Variants in WWOX observed in about 807,000 individuals in gnomAD.
WWOX encodes the protein WW domain containing oxidoreductase.
WWOX carries 69 observed loss-of-function variants against 46.2 expected under a neutral mutation model. The observed-to-expected ratio is 1.49, with a 90% CI of 1.23 to 1.82. The LOEUF (loss-of-function observed/expected upper bound fraction) is 1.82, where lower values mean the gene tolerates loss of function less well. WWOX is among the 40% of genes most tolerant of loss of function. The pLI is 0.00. For synonymous variants in WWOX, 359 were observed against 202.6 expected, an observed-to-expected ratio of 1.77 and a Z score of -6.56; for missense variants, 919 against 542.6, an observed-to-expected ratio of 1.69 and a Z score of -6.89.
intron 8 of WWOX, among the ~76,000 whole-genome samples, chr16:78,820,737 C>A (rs986647196): frequency 6.6e-6 from 1 of 152,102 alleles, no homozygotes; most frequent in African/African-American, 2.4e-5. Context: ...GAGAATCATT[C>A]ATTGTTTCAT....
At chr16:78,429,049 C>A (rs2083154653) in intron 7 of WWOX, among the ~76,000 whole-genome samples, 1 of 152,158 alleles carries the variant, frequency 6.6e-6, no homozygotes, top group Non-Finnish European at 1.5e-5. Flanking sequence ...GAATTCCAAA[C>A]CCATGACCAA....
intron 8 of WWOX, among the ~76,000 whole-genome samples, chr16:78,564,976 C>T (rs908064738): frequency 1.3e-5 from 2 of 152,046 alleles, no homozygotes; most frequent in Non-Finnish European, 2.9e-5. Context: ...AAAACGAAAA[C>T]AACATCAAAG....
chr16:78,836,887 G>A (rs2052000376), intron 8 of WWOX, among the ~76,000 whole-genome samples: 1 of 152,146 alleles, frequency 6.6e-6, no homozygotes. Flanking sequence ...ATGGGCTTTT[G>A]CGAAGAAGTT....
intron 8 of WWOX, among the ~76,000 whole-genome samples, chr16:78,961,789 T>C (rs1272593134): frequency 1.3e-5 from 2 of 152,184 alleles, no homozygotes; most frequent in African/African-American, 2.4e-5. Context: ...CCTCAGGTTA[T>C]CATAGTAGTC....
chr16:78,766,703 C>G (rs575391101), intron 8 of WWOX, among the ~76,000 whole-genome samples: 89 of 152,326 alleles, frequency 5.8e-4, no homozygotes, highest in South Asian at 2.1e-3. Context: ...AAAAAAGGGC[C>G]TGAACAGGCT....
At chr16:78,715,166 G>T (rs2048532003) in intron 8 of WWOX, among the ~76,000 whole-genome samples, 1 of 152,300 alleles carries the variant, frequency 6.6e-6, no homozygotes, top group East Asian at 1.9e-4. Flanking sequence ...GAAACACAGA[G>T]ATCAGTTAGA....
At chr16:78,109,956 C>A in intron 3 of WWOX, 121 bp downstream of exon 3, 2 of 1,086,402 alleles carry the variant, frequency 1.8e-6, no homozygotes, top group African/African-American at 1.6e-5. Flanking sequence ...TATCTGTAAT[C>A]TTAGCAGAAG....
At chr16:78,575,280 G>T (rs1249033807) in intron 8 of WWOX, among the ~76,000 whole-genome samples, 1 of 149,028 alleles carries the variant, frequency 6.7e-6, no homozygotes, top group African/African-American at 2.5e-5. Context: ...TTTTTTCAAA[G>T]TTGTTAAGAC....
intron 8 of WWOX, among the ~76,000 whole-genome samples, chr16:79,015,984 C>A (rs552679744): frequency 5.9e-5 from 9 of 152,252 alleles, no homozygotes; most frequent in Non-Finnish European, 7.3e-5. Flanking sequence ...TTCTTGACCT[C>A]GTGATCTGCC....
chr16:78,624,019 A>G (rs955403943), intron 8 of WWOX, among the ~76,000 whole-genome samples: 1 of 152,172 alleles, frequency 6.6e-6, no homozygotes, highest in Admixed American at 6.5e-5. Context: ...CACTTTATAG[A>G]TGAGGAAAGT....
intron 8 of WWOX, among the ~76,000 whole-genome samples, chr16:78,466,474 AG>A (rs1021261867): frequency 4.6e-5 from 7 of 152,190 alleles, no homozygotes; most frequent in Non-Finnish European, 8.8e-5. Context: ...CAGCAAAAAG[AG>A]GCTAACACAT....
intron 8 of WWOX, among the ~76,000 whole-genome samples, chr16:78,483,538 A>G (rs1450633920): frequency 1.3e-5 from 2 of 151,954 alleles, no homozygotes; most frequent in Non-Finnish European, 2.9e-5. Context: ...CTGATTGCCA[A>G]CAGAACCGGC....
At chr16:78,742,121 C>T (rs1444659840) in intron 8 of WWOX, among the ~76,000 whole-genome samples, 2 of 152,160 alleles carry the variant, frequency 1.3e-5, no homozygotes, top group Admixed American at 1.3e-4. Flanking sequence ...TTTATCTCAA[C>T]CCATTTAAAT....
intron 5 of WWOX, among the ~76,000 whole-genome samples, chr16:78,271,750 G>C (rs539109258): frequency 1.3e-5 from 2 of 152,188 alleles, no homozygotes; most frequent in Non-Finnish European, 2.9e-5. Context: ...CAGCGAGGGC[G>C]TTGGGAGGCC....
At chr16:78,435,229 G>C (rs1028512740) in intron 8 of WWOX, among the ~76,000 whole-genome samples, 4 of 152,078 alleles carry the variant, frequency 2.6e-5, no homozygotes, top group African/African-American at 9.7e-5. Flanking sequence ...TTGGACGAAG[G>C]TTGCAACTCA....
At chr16:78,465,043 T>A (rs970497077) in intron 8 of WWOX, among the ~76,000 whole-genome samples, 2 of 152,096 alleles carry the variant, frequency 1.3e-5, no homozygotes, top group African/African-American at 4.8e-5. Context: ...GAACTGCCCT[T>A]TATAAAATCA....
At chr16:78,734,584 G>C in intron 8 of WWOX, among the ~76,000 whole-genome samples, 1 of 152,220 alleles carries the variant, frequency 6.6e-6, no homozygotes, top group Middle Eastern at 3.4e-3. Flanking sequence ...AACTGAACCT[G>C]ATGGTTAGTT....
At chr16:78,757,028 C>T (rs751671474) in intron 8 of WWOX, 4 of 702,836 alleles carry the variant, frequency 5.7e-6, no homozygotes, top group Middle Eastern at 2.3e-4. Flanking sequence ...GAGTGAACCA[C>T]GTTCGAAGTT....
At chr16:78,159,460 G>C (rs1597285595) in intron 4 of WWOX, among the ~76,000 whole-genome samples, 1 of 151,984 alleles carries the variant, frequency 6.6e-6, no homozygotes, top group East Asian at 1.9e-4. Context: ...GCATAAGGGG[G>C]CTCTTGTTTC....
Sources: gnomAD v4.1 joint callset for allele counts (sites outside exome capture counted in the v4.1 genomes callset) on GRCh38, gnomAD v4.1.1 for gene constraint, MANE v1.5 for transcripts, NCBI Gene and HGNC (gene_info 2026-07-23, HGNC 2026-07-21) for gene names.